ZNF438: variants seen among roughly 807,000 people sequenced by gnomAD.
The protein encoded by ZNF438 is zinc finger protein 438.
Under a neutral mutation model 38.0 loss-of-function variants are expected in ZNF438, and 25 were observed. The observed-to-expected ratio is 0.66, with a 90% CI of 0.48 to 0.92. ZNF438 has a LOEUF of 0.92. Among genes scored for constraint, ZNF438 ranks in the 40% least tolerant of loss-of-function variants. The probability of loss-of-function intolerance (pLI) is 0.00; values close to 1 mark genes in which losing one functional copy is unlikely to be tolerated. For missense variants in ZNF438, 1,007 were observed against 999.6 expected (o/e 1.01, Z -0.10); for synonymous variants, 372 against 364.1 (o/e 1.02, Z -0.25).
Position 30,850,438 on chromosome 10 carries a change from C to T in ZNF438, c.38-71G>A, listed in dbSNP as rs917594122. ...TGTTAGTGATACTTCAAACAACAAGCATCTTATTTACTCTGCCCAGAACAG... is the reference window on the plus strand; with the variant it reads ...TGTTAGTGATACTTCAAACAACAAGTATCTTATTTACTCTGCCCAGAACAG... On this transcript the variant is annotated intron_variant, in intron 4 of 5. Transcript: ENST00000413025. 90 of 1,509,574 alleles carry T rather than the reference C, an allele frequency of 6.0e-5. No individual in the cohort carries two copies. The East Asian group carries it at 2.0e-3, about 34-fold the overall frequency. The allele number at this position is 1,509,574 out of a possible 1,614,324, so 93.5% of individuals were successfully genotyped here.
At chr10:30,845,670 C>G in intron 5 of ZNF438, 97 bp from the exon 7 acceptor site, 1 of 1,423,460 alleles carries the variant, frequency 7.0e-7, no homozygotes, top group Non-Finnish European at 9.4e-7. Flanking sequence ...TAAAACATAA[C>G]ACTGACGAGA....
intron 1 of ZNF438, among the ~76,000 whole-genome samples, chr10:30,992,214 C>T (rs969156032): frequency 6.6e-6 from 1 of 152,082 alleles, no homozygotes; most frequent in African/African-American, 2.4e-5. Context: ...CAGAAACAGA[C>T]TGAGACATAA....
At chr10:30,991,021 G>C (rs192676495) in intron 1 of ZNF438, among the ~76,000 whole-genome samples, 259 of 152,256 alleles carry the variant, frequency 1.7e-3, no homozygotes, top group Admixed American at 3.2e-3. Flanking sequence ...ATAATAAATG[G>C]AGAAACATGC....
At chr10:30,870,485 G>T (rs1300713428) in intron 4 of ZNF438, among the ~76,000 whole-genome samples, 2 of 151,560 alleles carry the variant, frequency 1.3e-5, no homozygotes, top group African/African-American at 4.8e-5. Flanking sequence ...TTTACTTACG[G>T]TCTCCAGCAT....
At chr10:30,943,674 G>C (rs961571222) in intron 1 of ZNF438, among the ~76,000 whole-genome samples, 22 of 152,080 alleles carry the variant, frequency 1.4e-4, no homozygotes, top group African/African-American at 5.3e-4. Context: ...TTGGAGCAGT[G>C]TCCTGGAAGT....
At chr10:30,983,667 C>T (rs1232317267) in intron 1 of ZNF438, among the ~76,000 whole-genome samples, 1 of 152,098 alleles carries the variant, frequency 6.6e-6, no homozygotes, top group Admixed American at 6.5e-5. Flanking sequence ...AAAATGAAAC[C>T]TATAGCCATG....
At chr10:30,856,766 A>G (rs1193425911) in intron 4 of ZNF438, among the ~76,000 whole-genome samples, 2 of 152,260 alleles carry the variant, frequency 1.3e-5, no homozygotes, top group Non-Finnish European at 2.9e-5. Context: ...AGTGTCGCTC[A>G]GTAAAATTAA....
exon 6 of ZNF438, chr10:30,844,844 T>C: frequency 7.9e-7 from 1 of 1,265,786 alleles, no homozygotes; most frequent in Admixed American, 2.3e-5. Flanking sequence ...ATCATTTCTG[T>C]TCACTCACAC....
chr10:30,857,732 T>C (rs2034906785), intron 4 of ZNF438: 3 of 1,489,830 alleles, frequency 2.0e-6, no homozygotes, highest in Admixed American at 2.0e-5. Context: ...TTGGAGAATG[T>C]GCAACGTGTG....
At chr10:31,032,010 T>G (rs1002557149), upstream of ZNF438, 1 of 151,888 alleles carries the variant, frequency 6.6e-6, no homozygotes, top group African/African-American at 2.4e-5. Context: ...CACCTCCCCG[T>G]AGCAGACACC....
intron 4 of ZNF438, among the ~76,000 whole-genome samples, chr10:30,856,507 G>A (rs1436414696): frequency 6.6e-6 from 1 of 152,070 alleles, no homozygotes; most frequent in Non-Finnish European, 1.5e-5. Context: ...TGGCAATATA[G>A]TTATACAACA....
At chr10:30,961,368 G>A (rs1051203496) in intron 1 of ZNF438, among the ~76,000 whole-genome samples, 5 of 145,858 alleles carry the variant, frequency 3.4e-5, no homozygotes, top group Non-Finnish European at 6.2e-5. Context: ...TGATCATAGC[G>A]CACTATAGCC....
intron 4 of ZNF438, among the ~76,000 whole-genome samples, chr10:30,861,101 T>C (rs1486282290): frequency 1.3e-5 from 2 of 152,136 alleles, no homozygotes; most frequent in South Asian, 2.1e-4. Flanking sequence ...CTGTGGGGGA[T>C]TGGTTCCTCC....
intron 4 of ZNF438, among the ~76,000 whole-genome samples, chr10:30,858,611 A>G (rs565951353): frequency 6.6e-6 from 1 of 152,346 alleles, no homozygotes; most frequent in African/African-American, 2.4e-5. Context: ...TCAGGATGCC[A>G]AATGCATTTC....
chr10:30,856,795 C>A (rs1436020128), intron 4 of ZNF438, among the ~76,000 whole-genome samples: 1 of 152,138 alleles, frequency 6.6e-6, no homozygotes, highest in African/African-American at 2.4e-5. Context: ...AATTATTCAA[C>A]AGGAATACTT....
intron 1 of ZNF438, among the ~76,000 whole-genome samples, chr10:30,996,502 T>C (rs1341943331): frequency 6.6e-6 from 1 of 152,030 alleles, no homozygotes; most frequent in African/African-American, 2.4e-5. Flanking sequence ...CACTTCATAA[T>C]GACAGAAGGG....
At chr10:30,924,349 TACCAGGG>T in intron 2 of ZNF438, among the ~76,000 whole-genome samples, 1 of 152,256 alleles carries the variant, frequency 6.6e-6, no homozygotes, top group South Asian at 2.1e-4. Flanking sequence ...GGGGCTTACA[TACCAGGG>T]AAGAAATGTA....
At chr10:30,860,165 A>C (rs1042810242) in intron 4 of ZNF438, among the ~76,000 whole-genome samples, 1 of 152,232 alleles carries the variant, frequency 6.6e-6, no homozygotes, top group African/African-American at 2.4e-5. Context: ...ATTGTAGGTC[A>C]TCGGACCCGC....
chr10:31,020,697 AC>A (rs2056530078), intron 1 of ZNF438, among the ~76,000 whole-genome samples: 1 of 107,808 alleles, frequency 9.3e-6, no homozygotes. Flanking sequence ...GTTAAAGATA[AC>A]AGTGTTTGAA....
Sources: allele counts gnomAD v4.1 joint callset (sites outside exome capture counted in the v4.1 genomes callset), GRCh38; gene constraint gnomAD v4.1.1; transcripts MANE v1.5; gene names NCBI Gene and HGNC (gene_info 2026-07-23, HGNC 2026-07-21).